The following KIAA0825 variants were observed in gnomAD, a reference collection of about 807,000 sequenced individuals.
KIAA0825 encodes KIAA0825, also known as uncharacterized protein KIAA0825.
KIAA0825 carries 119 observed loss-of-function variants against 147.6 expected under a neutral mutation model. The observed-to-expected ratio is 0.81, with a 90% CI of 0.69 to 0.94. The LOEUF is 0.94. Ranked by LOEUF, KIAA0825 falls within the 40% of genes least tolerant of loss-of-function variation. The pLI is 0.00. For missense variants in KIAA0825, 1,381 were observed against 1,472.7 expected, an observed-to-expected ratio of 0.94 and a Z score of 1.02; for synonymous variants, 470 against 518.1, an observed-to-expected ratio of 0.91 and a Z score of 1.26.
At chr5:94,542,481 T>C (rs1773526815) in intron 2 of KIAA0825, among the ~76,000 whole-genome samples, 5 of 152,234 alleles carry the variant, frequency 3.3e-5, no homozygotes, top group Admixed American at 3.3e-4. Context: ...TCTTAATTTA[T>C]GGCAATATAG....
At chr5:94,376,786 C>A (rs1442508668) in intron 20 of KIAA0825, among the ~76,000 whole-genome samples, 1 of 152,104 alleles carries the variant, frequency 6.6e-6, no homozygotes, top group Non-Finnish European at 1.5e-5. Flanking sequence ...CATGAAAAAA[C>A]CCACCAAATT....
At chr5:94,590,394 A>C (rs893516259) in intron 1 of KIAA0825, among the ~76,000 whole-genome samples, 1 of 152,186 alleles carries the variant, frequency 6.6e-6, no homozygotes, top group Non-Finnish European at 1.5e-5. Flanking sequence ...TCATTATCCC[A>C]AGCCAAATTC....
At chr5:94,472,416 C>T (rs777918326) in intron 8 of KIAA0825, among the ~76,000 whole-genome samples, 2 of 152,094 alleles carry the variant, frequency 1.3e-5, no homozygotes, top group Non-Finnish European at 2.9e-5. Context: ...GTGACTGTGG[C>T]AGAATAAGGA....
At chr5:94,206,907 G>A (rs200773202) in intron 20 of KIAA0825, among the ~76,000 whole-genome samples, 1 of 152,070 alleles carries the variant, frequency 6.6e-6, no homozygotes, top group Non-Finnish European at 1.5e-5. Flanking sequence ...AGGAACTCGC[G>A]GAAGATCAAA....
intron 6 of KIAA0825, among the ~76,000 whole-genome samples, chr5:94,481,985 C>T (rs1025487305): frequency 1.3e-5 from 2 of 151,842 alleles, no homozygotes; most frequent in Non-Finnish European, 2.9e-5. Context: ...TTAGAAATGC[C>T]CCATAAATCA....
intron 2 of KIAA0825, among the ~76,000 whole-genome samples, chr5:94,571,397 C>T (rs575094527): frequency 3.0e-4 from 45 of 152,268 alleles, no homozygotes; most frequent in African/African-American, 1.0e-3. Flanking sequence ...GTAATACTGA[C>T]GTACAACTGA....
chr5:94,493,154 C>T (rs1763925006), intron 5 of KIAA0825, among the ~76,000 whole-genome samples: 1 of 152,196 alleles, frequency 6.6e-6, no homozygotes, highest in Admixed American at 6.5e-5. Context: ...TATAAATCTC[C>T]CTCTCATTCA....
intron 14 of KIAA0825, among the ~76,000 whole-genome samples, chr5:94,420,084 T>C (rs998521158): frequency 2.0e-5 from 3 of 151,992 alleles, no homozygotes; most frequent in African/African-American, 4.8e-5. Flanking sequence ...GGGGGTACTT[T>C]CCAGGAAGAC....
chr5:94,385,640 G>T (rs1195968040), intron 19 of KIAA0825, among the ~76,000 whole-genome samples: 3 of 152,172 alleles, frequency 2.0e-5, no homozygotes, highest in Non-Finnish European at 4.4e-5. Flanking sequence ...TGTAACTACT[G>T]AAACATGCGG....
chr5:94,516,683 C>A (rs1767303894), intron 5 of KIAA0825, among the ~76,000 whole-genome samples: 1 of 111,292 alleles, frequency 9.0e-6, no homozygotes, highest in South Asian at 3.4e-4. Flanking sequence ...CCCAGCTACT[C>A]GGGAGGCTGA....
intron 2 of KIAA0825, among the ~76,000 whole-genome samples, chr5:94,547,951 A>G (rs1385214242): frequency 6.6e-6 from 1 of 152,112 alleles, no homozygotes; most frequent in Non-Finnish European, 1.5e-5. Flanking sequence ...GGAAAAAATG[A>G]AGATTTTCCC....
At chr5:94,479,998 T>C (rs1198231816) in intron 6 of KIAA0825, among the ~76,000 whole-genome samples, 4 of 152,126 alleles carry the variant, frequency 2.6e-5, no homozygotes, top group African/African-American at 7.2e-5. Flanking sequence ...TTATCATATA[T>C]GTGTTTTGCA....
intron 15 of KIAA0825, among the ~76,000 whole-genome samples, chr5:94,404,958 G>T (rs1446129249): frequency 1.3e-5 from 2 of 152,054 alleles, no homozygotes; most frequent in Non-Finnish European, 2.9e-5. Flanking sequence ...CACCTTCCAC[G>T]ACTGTATTTA....
intron 16 of KIAA0825, 50 bp downstream of exon 16, chr5:94,403,519 A>C: frequency 1.4e-6 from 2 of 1,395,496 alleles, no homozygotes; most frequent in Non-Finnish European, 2.0e-6. Flanking sequence ...CATACCCTAG[A>C]AAATTGCTTC....
At chr5:94,478,087 G>A (rs995182392) in intron 6 of KIAA0825, among the ~76,000 whole-genome samples, 1 of 152,050 alleles carries the variant, frequency 6.6e-6, no homozygotes, top group Non-Finnish European at 1.5e-5. Context: ...TTATCAGTAG[G>A]GATTCTGACC....
At chr5:94,286,117 G>A (rs1777656240) in intron 20 of KIAA0825, among the ~76,000 whole-genome samples, 1 of 152,124 alleles carries the variant, frequency 6.6e-6, no homozygotes, top group Non-Finnish European at 1.5e-5. Context: ...TAGGACAAGG[G>A]TAGATCAAGT....
chr5:94,449,191 A>T (rs1300050715), intron 13 of KIAA0825, among the ~76,000 whole-genome samples: 1 of 152,202 alleles, frequency 6.6e-6, no homozygotes, highest in Admixed American at 6.5e-5. Context: ...AGTCTTAAAG[A>T]CACATGAGGA....
At position 94,152,889 on chromosome 5, in the gene KIAA0825, T is replaced by A. The variant is rs1335865313; in HGVS notation, c.*1118A>T. On this transcript the variant is annotated 3_prime_UTR_variant, in exon 21 of 21. Coordinates refer to ENST00000682413, the MANE Select transcript of KIAA0825 (RefSeq NM_001145678.3). ...ATATATATATATATATATATATATA[T>A]ATATATATATATATGGTTTCTCCCA... The A allele has an allele frequency of 2.3e-5, 1 of 44,212 alleles. No homozygotes were observed. The highest frequency in any genetic ancestry group is 1.3e-3 in the South Asian group (1 of 748). 2.7% of individuals were successfully genotyped at this position (44,212 alleles called of 1,614,324 possible).
chr5:94,513,202 ATAAT>A (rs1036247093), intron 5 of KIAA0825, among the ~76,000 whole-genome samples: 22 of 152,232 alleles, frequency 1.4e-4, no homozygotes, highest in African/African-American at 5.3e-4. Context: ...TTTTAAATAG[ATAAT>A]TTATTTTTCT....
Sources: allele counts gnomAD v4.1 joint callset (sites outside exome capture counted in the v4.1 genomes callset), GRCh38; gene constraint gnomAD v4.1.1; transcripts MANE v1.5; gene names NCBI Gene and HGNC (gene_info 2026-07-23, HGNC 2026-07-21).